Variants in IQSEC1 observed in about 807,000 individuals in gnomAD.
IQSEC1 encodes IQ motif and SEC7 domain-containing protein 1.
Under a neutral mutation model 91.0 loss-of-function variants are expected in IQSEC1, and 31 were observed. That is an observed-to-expected ratio of 0.34 (90% CI 0.26 to 0.46). IQSEC1 has a LOEUF of 0.46. Ranked by LOEUF, IQSEC1 falls within the 20% of genes least tolerant of loss-of-function variation. The pLI is 1.00. For synonymous variants in IQSEC1, 699 were observed against 662.6 expected, an observed-to-expected ratio of 1.05 and a Z score of -0.84; for missense variants, 1,388 against 1,575.6, an observed-to-expected ratio of 0.88 and a Z score of 2.02.
In IQSEC1 at chr3:12,897,264, A is replaced by G. The variant is rs1215163967; in HGVS notation, c.*3719T>C. On this transcript the variant is annotated 3_prime_UTR_variant, in exon 14 of 14. Coordinates refer to ENST00000613206, the MANE Select transcript of IQSEC1 (RefSeq NM_001134382.3). Reference sequence around the variant, plus strand: ...TTGATTTCCCCACATGATCACAACCATGGTTTTACATTGATAGAGTCTGTT... The same window carrying G: ...TTGATTTCCCCACATGATCACAACCGTGGTTTTACATTGATAGAGTCTGTT... 6.6e-6 allele frequency: 1 copy of G among 152,242 alleles called. No homozygotes were observed. Among genetic ancestry groups the G allele is most frequent in the East Asian group, 1.9e-4 (1 of 5,198 alleles). 9.4% of individuals were successfully genotyped at this position (152,242 alleles called of 1,614,324 possible).
intron 1 of IQSEC1, among the ~76,000 whole-genome samples, chr3:13,001,264 A>G (rs1171645887): frequency 6.6e-6 from 1 of 152,096 alleles, no homozygotes; most frequent in Admixed American, 6.5e-5. Context: ...CCCGATCCTA[A>G]GTGAGTTCTT....
At chr3:13,119,871 A>G (rs1221650443) in intron 2 of IQSEC1, among the ~76,000 whole-genome samples, 2 of 151,512 alleles carry the variant, frequency 1.3e-5, no homozygotes, top group African/African-American at 2.4e-5. Flanking sequence ...CATTTCTGAC[A>G]GCCCTCTCGG....
intron 1 of IQSEC1, among the ~76,000 whole-genome samples, chr3:12,977,093 G>A (rs1052670444): frequency 3.9e-5 from 6 of 152,150 alleles, no homozygotes; most frequent in Non-Finnish European, 7.4e-5. Flanking sequence ...TCCCAGCTGA[G>A]GGATTACAGG....
At position 13,044,615 on chromosome 3, in the gene IQSEC1, G is replaced by A. The variant is rs575423176; in HGVS notation, c.23+28377C>T. Among the ~76,000 whole-genome samples the A allele has an allele frequency of 7.9e-4, 120 of 152,348 alleles. 1 individual carries two copies. The highest frequency in any genetic ancestry group is 2.7e-3 in the African/African-American group (113 of 41,576). On this transcript the variant is annotated intron_variant, in intron 1 of 13. Coordinates refer to ENST00000613206, the MANE Select transcript of IQSEC1 (RefSeq NM_001134382.3). Reference sequence around the variant, plus strand: ...GCAGGCAGGGGAGAGGCGATCTGCCGAGTGTGATGAGCCTGTTTGGCAAGG... The same window carrying A: ...GCAGGCAGGGGAGAGGCGATCTGCCAAGTGTGATGAGCCTGTTTGGCAAGG...
At chr3:13,201,678 C>T (rs1447937698) in intron 1 of IQSEC1, among the ~76,000 whole-genome samples, 1 of 152,184 alleles carries the variant, frequency 6.6e-6, no homozygotes, top group African/African-American at 2.4e-5. Flanking sequence ...AGTAGACCCA[C>T]GGGGTCACAG....
intron 2 of IQSEC1, among the ~76,000 whole-genome samples, chr3:13,087,092 C>T (rs2125134884): frequency 6.6e-6 from 1 of 152,352 alleles, no homozygotes. Context: ...ACTTATTTCA[C>T]ATGCCACACC....
intron 1 of IQSEC1, among the ~76,000 whole-genome samples, chr3:13,219,670 T>G (rs1446085968): frequency 6.6e-6 from 1 of 152,252 alleles, no homozygotes; most frequent in African/African-American, 2.4e-5. Context: ...TTAGTGGCTT[T>G]CTGCTTGCTG....
chr3:12,975,594 A>C (rs962070765), intron 1 of IQSEC1, among the ~76,000 whole-genome samples: 5 of 152,130 alleles, frequency 3.3e-5, no homozygotes, highest in African/African-American at 1.2e-4. Flanking sequence ...CCAAACCATG[A>C]ACTTAACCAT....
intron 3 of IQSEC1, among the ~76,000 whole-genome samples, chr3:12,925,866 C>A (rs1388136984): frequency 6.6e-6 from 1 of 152,370 alleles, no homozygotes; most frequent in East Asian, 1.9e-4. Context: ...TTGCTGCTCA[C>A]ACCAGCCCTG....
chr3:13,222,497 C>T (rs552811821), intron 1 of IQSEC1, among the ~76,000 whole-genome samples: 92 of 152,228 alleles, frequency 6.0e-4, no homozygotes, highest in Admixed American at 9.8e-4. Flanking sequence ...GTGGGATTGC[C>T]GGATCATATG....
At chr3:13,203,600 G>A (rs900772238) in intron 1 of IQSEC1, among the ~76,000 whole-genome samples, 1 of 152,150 alleles carries the variant, frequency 6.6e-6, no homozygotes, top group Admixed American at 6.5e-5. Context: ...GCTGCTCCAC[G>A]AATCAGCAAA....
At chr3:13,042,666 G>A (rs1704326556) in intron 1 of IQSEC1, among the ~76,000 whole-genome samples, 1 of 152,194 alleles carries the variant, frequency 6.6e-6, no homozygotes, top group African/African-American at 2.4e-5. Flanking sequence ...ACACACCAAG[G>A]CAGCTCTGGC....
At chr3:12,965,553 T>C (rs758393326) in intron 1 of IQSEC1, among the ~76,000 whole-genome samples, 1 of 152,234 alleles carries the variant, frequency 6.6e-6, no homozygotes, top group Non-Finnish European at 1.5e-5. Flanking sequence ...GGGCTACACC[T>C]GAGCGAGGCT....
chr3:12,975,949 C>G (rs758707501), intron 1 of IQSEC1, among the ~76,000 whole-genome samples: 9 of 152,238 alleles, frequency 5.9e-5, no homozygotes, highest in Non-Finnish European at 1.0e-4. Context: ...CATCTGCCCC[C>G]CAACGGCTGC....
chr3:13,083,435 C>T (rs2125130876), intron 2 of IQSEC1, among the ~76,000 whole-genome samples: 1 of 152,326 alleles, frequency 6.6e-6, no homozygotes, highest in Middle Eastern at 3.4e-3. Flanking sequence ...GCTGTGTGAC[C>T]CTGGGCAAAC....
chr3:12,908,533 A>G lies in IQSEC1; in HGVS notation c.2579-8T>C, dbSNP rs1695234715. ...TCTGCTTCTCGAGCTCCGCTGGAAC[A>G]GAGAGGGTGAGGGTCCTGGTGAGAG... On this transcript the variant is annotated splice_polypyrimidine_tract_variant and splice_region_variant and intron_variant, in intron 11 of 13. Coordinates refer to ENST00000613206, the MANE Select transcript of IQSEC1 (RefSeq NM_001134382.3). This position sits in a 1 kb window ranked among gnomAD's most constrained non-coding sequence, Gnocchi z 4.9. 3.1e-6 allele frequency: 5 copies of G among 1,613,332 alleles called. No homozygotes were observed. The Admixed American group carries it at 5.0e-5, about 16-fold the overall frequency.
intron 6 of IQSEC1, among the ~76,000 whole-genome samples, chr3:12,917,948 T>C (rs1696263781): frequency 6.6e-6 from 1 of 152,206 alleles, no homozygotes; most frequent in Non-Finnish European, 1.5e-5. Flanking sequence ...CGGGACCCAC[T>C]GGACAAACTG....
chr3:13,251,068 C>T (rs959295087), intron 1 of IQSEC1, among the ~76,000 whole-genome samples: 2 of 152,214 alleles, frequency 1.3e-5, no homozygotes, highest in African/African-American at 4.8e-5. Flanking sequence ...CCCCGGCTCC[C>T]CCTCAGTCAC....
rs79797206 is a variant in IQSEC1 at position 13,049,358 on chromosome 3, A to G, written c.23+23634T>C. On this transcript the variant is annotated intron_variant, in intron 1 of 13. Transcript: ENST00000613206. The stretch of plus-strand genomic sequence containing the variant: ...GCCCTGCCACAGCCATAGAGATTCA[A>G]CTCCCCAGCTCTGATCTCACTCTGG... Among the ~76,000 whole-genome samples, 788 of 151,980 alleles carry G rather than the reference A, an allele frequency of 5.2e-3. 4 individuals are homozygous for G. The highest frequency in any genetic ancestry group is 0.017 in the African/African-American group (722 of 41,412).
Sources: gnomAD v4.1 joint callset for allele counts (sites outside exome capture counted in the v4.1 genomes callset) on GRCh38, gnomAD v4.1.1 for gene constraint, Gnocchi (gnomAD v3.1) non-coding constraint, MANE v1.5 for transcripts, NCBI Gene and HGNC (gene_info 2026-07-23, HGNC 2026-07-21) for gene names.